The following PIK3R4 variants were observed in gnomAD, a reference collection of about 807,000 sequenced individuals.
PIK3R4 encodes phosphoinositide-3-kinase regulatory subunit 4.
In PIK3R4, 46 loss-of-function variants were observed where a neutral mutation model predicts 136.5. The observed-to-expected ratio is 0.34, with a 90% CI of 0.27 to 0.43. The LOEUF is 0.43. PIK3R4 is among the 20% of genes least tolerant of loss of function. The pLI is 1.00. For synonymous variants in PIK3R4, 557 were observed against 566.7 expected, an observed-to-expected ratio of 0.98 and a Z score of 0.24; for missense variants, 1,331 against 1,649.5, an observed-to-expected ratio of 0.81 and a Z score of 3.35.
Position 130,708,383 on chromosome 3 carries a change from C to G in PIK3R4, c.2441G>C (p.Ser814Thr), listed in dbSNP as rs760647540. 3 of 1,613,706 alleles carry G rather than the reference C, an allele frequency of 1.9e-6. No individual in the cohort carries two copies. The highest frequency in any genetic ancestry group is 1.3e-5 in the African/African-American group (1 of 74,924). ...IVDQSHLHDS[S>T]QKGVIDLAAL... is the part of the protein sequence containing the mutation. Reference sequence around the variant, plus strand: ...TGCCAAGTCAATTACACCTTTCTGACTACTATCATGAAGATGGCTCTGGTC... The same window carrying G: ...TGCCAAGTCAATTACACCTTTCTGAGTACTATCATGAAGATGGCTCTGGTC... Residue 814 changes from serine (S) to threonine (T), a missense_variant, in exon 10 of 20, where the codon AGT (serine) becomes ACT (threonine). Physicochemically the swap from Ser to Thr is moderately conservative, Grantham distance 58. This residue lies in a region of PIK3R4 where 1,180 missense variants were observed against 1,407.0 expected (regional missense o/e 0.84). Transcript: ENST00000356763.
At chr3:130,704,076 A>G (rs1304396222) in intron 12 of PIK3R4, among the ~76,000 whole-genome samples, 188 bp from the exon 13 acceptor site, 1 of 152,214 alleles carries the variant, frequency 6.6e-6, no homozygotes, top group Non-Finnish European at 1.5e-5. Context: ...CTGAGACATC[A>G]ATTTGGCAAT....
intron 8 of PIK3R4, 35 bp from the exon 9 acceptor site, chr3:130,716,634 T>A: frequency 7.8e-7 from 1 of 1,288,866 alleles, no homozygotes; most frequent in African/African-American, 1.5e-5. Context: ...CAGCCAAAAA[T>A]ATAACATGTA....
In PIK3R4 at chr3:130,686,480, C is replaced by T. The variant is rs2066491737; in HGVS notation, c.3264-58G>A. ...GTCACTGAAAACATAGCACTAGTCTCCCTTTAAGATGACTTTATATCCTAT... is the reference window on the plus strand; with the variant it reads ...GTCACTGAAAACATAGCACTAGTCTTCCTTTAAGATGACTTTATATCCTAT... On this transcript the variant is annotated intron_variant, in intron 14 of 19. Coordinates refer to ENST00000356763, the MANE Select transcript of PIK3R4 (RefSeq NM_014602.3). The T allele has an allele frequency of 3.0e-6, 3 of 1,010,222 alleles. No homozygotes were observed. In the Admixed American group the frequency reaches 5.2e-5, roughly 17 times the overall value. The allele number at this position is 1,010,222 out of a possible 1,614,324, so 62.6% of individuals were successfully genotyped here.
intron 19 of PIK3R4, among the ~76,000 whole-genome samples, chr3:130,679,881 T>G (rs532292775): frequency 3.9e-5 from 6 of 152,044 alleles, no homozygotes; most frequent in East Asian, 3.9e-4. Context: ...ATCAAGACCA[T>G]CCTGGCCAAC....
At chr3:130,708,205 T>C in intron 10 of PIK3R4, 86 bp downstream of exon 10, 1 of 1,083,482 alleles carries the variant, frequency 9.2e-7, no homozygotes, top group East Asian at 2.4e-5. Flanking sequence ...AATGGGGCTT[T>C]TTATTTTATT....
At chr3:130,736,198 T>C (rs1479462654) in intron 2 of PIK3R4, among the ~76,000 whole-genome samples, 196 bp from the exon 3 acceptor site, 4 of 152,112 alleles carry the variant, frequency 2.6e-5, no homozygotes, top group Non-Finnish European at 4.4e-5. Flanking sequence ...GTTTCTAAAG[T>C]ATAAAGTCAA....
At position 130,727,268 on chromosome 3, in the gene PIK3R4, C is replaced by T. The variant is rs1273931881; in HGVS notation, c.1807+1195G>A. ...CGGAGTCTCGCTCTTTCACCCAGGC[C>T]TGACTGCAGTGGCGCAATCTCAGCT... On this transcript the variant is annotated intron_variant, in intron 6 of 19. Coordinates refer to ENST00000356763, the MANE Select transcript of PIK3R4 (RefSeq NM_014602.3). 5.9e-5 allele frequency among the ~76,000 whole-genome samples: 9 copies of T among 151,978 alleles called. No homozygotes were observed. The South Asian group carries it at 1.9e-3, about 32-fold the overall frequency.
intron 7 of PIK3R4, among the ~76,000 whole-genome samples, chr3:130,721,690 T>C (rs962548242): frequency 7.2e-5 from 11 of 152,050 alleles, no homozygotes; most frequent in African/African-American, 2.2e-4. Context: ...TCTAAAAAAG[T>C]TGAACTCTTA....
rs1255016824 is a variant in PIK3R4, at chr3:130,679,356, C to T, written c.4036G>A (p.Val1346Ile). 6.8e-6 allele frequency: 11 copies of T among 1,610,900 alleles called. No homozygotes were observed. The highest frequency in any genetic ancestry group is 9.3e-6 in the Non-Finnish European group (11 of 1,177,898). ...ATFQTTQGFI[V>I]TASRDGIVKV... is the part of the protein sequence containing the mutation. ...ACAATCCCATCTCTAGAAGCAGTTA[C>T]GATGAAGCCCTGTGTGGTCTGGAAT... Residue 1346 changes from valine (V) to isoleucine (I), a missense_variant, in exon 20 of 20, where the codon GTA becomes ATA. By Grantham distance (29) the Val-to-Ile change is conservative. Coordinates refer to ENST00000356763, the MANE Select transcript of PIK3R4 (RefSeq NM_014602.3).
intron 19 of PIK3R4, among the ~76,000 whole-genome samples, chr3:130,680,102 A>G (rs2066448508): frequency 6.6e-6 from 1 of 151,742 alleles, no homozygotes; most frequent in South Asian, 2.1e-4. Flanking sequence ...TGACCAAAAT[A>G]TAAAAAATAC....
At chr3:130,719,535 T>C (rs2066686791) in intron 7 of PIK3R4, among the ~76,000 whole-genome samples, 1 of 152,196 alleles carries the variant, frequency 6.6e-6, no homozygotes, top group African/African-American at 2.4e-5. Context: ...AGATTTTGTT[T>C]ATTTCATAAA....
At chr3:130,686,884 G>T (rs897834494) in intron 14 of PIK3R4, among the ~76,000 whole-genome samples, 2 of 152,136 alleles carry the variant, frequency 1.3e-5, no homozygotes, top group Non-Finnish European at 2.9e-5. Flanking sequence ...TTTAGAGAAT[G>T]TTCCTCAATT....
At chr3:130,691,906 ACT>A (rs1273334272) in intron 13 of PIK3R4, among the ~76,000 whole-genome samples, 2 of 116,718 alleles carry the variant, frequency 1.7e-5, no homozygotes, top group African/African-American at 3.5e-5. Context: ...ACAGAGTCTC[ACT>A]CTGTCACCCA....
intron 2 of PIK3R4, among the ~76,000 whole-genome samples, chr3:130,736,283 T>C (rs2066785201): frequency 6.6e-6 from 1 of 152,112 alleles, no homozygotes; most frequent in South Asian, 2.1e-4. Context: ...AAAATGAATG[T>C]ATAGGCCAGA....
intron 9 of PIK3R4, among the ~76,000 whole-genome samples, chr3:130,713,922 T>A (rs1397701371): frequency 6.6e-6 from 1 of 152,162 alleles, no homozygotes; most frequent in African/African-American, 2.4e-5. Context: ...TCTGCCCGCC[T>A]CAGCCTCCCA....
In PIK3R4 at chr3:130,729,168, A is replaced by T. The variant is rs145138685; in HGVS notation, c.1586-484T>A. On this transcript the variant is annotated intron_variant, in intron 5 of 19. Coordinates refer to ENST00000356763, the MANE Select transcript of PIK3R4 (RefSeq NM_014602.3). Reference sequence around the variant, plus strand: ...TGTCAAGGCTTTACTTCATCTGGCCACTGTCTTCTCTGGTCTTACCTCTTC... The same window carrying T: ...TGTCAAGGCTTTACTTCATCTGGCCTCTGTCTTCTCTGGTCTTACCTCTTC... Among the ~76,000 whole-genome samples the T allele has an allele frequency of 8.5e-4, 129 of 152,334 alleles. 1 individual carries two copies. The East Asian group carries it at 0.017, about 20-fold the overall frequency.
At chr3:130,700,829 G>A (rs985278433) in intron 13 of PIK3R4, among the ~76,000 whole-genome samples, 3 of 152,136 alleles carry the variant, frequency 2.0e-5, no homozygotes, top group Admixed American at 6.5e-5. Context: ...ATGTGATAAG[G>A]GCGACACACT....
At chr3:130,686,116 C>A in intron 15 of PIK3R4, 95 bp downstream of exon 15, 47 of 679,942 alleles carry the variant, frequency 6.9e-5, no homozygotes, top group South Asian at 2.1e-4. Context: ...GAAAAATTAC[C>A]AATGAACAAA....
chr3:130,704,349 G>A (rs77601989), intron 12 of PIK3R4, among the ~76,000 whole-genome samples: 2,951 of 152,040 alleles, frequency 0.019, 95 homozygotes, highest in African/African-American at 0.067. Flanking sequence ...AAGTTGTGCT[G>A]GTATATCACA....
Sources: gnomAD v4.1 joint callset for allele counts (sites outside exome capture counted in the v4.1 genomes callset) on GRCh38, gnomAD v4.1.1 for gene constraint, gnomAD v4.1.1 regional missense constraint, MANE v1.5 for transcripts, NCBI Gene and HGNC (gene_info 2026-07-23, HGNC 2026-07-21) for gene names.